Variants in ACOX3 observed in about 807,000 individuals in gnomAD.
ACOX3 encodes acyl-CoA oxidase 3, pristanoyl.
Under a neutral mutation model 81.5 loss-of-function variants are expected in ACOX3, and 73 were observed. The observed-to-expected ratio is 0.90, with a 90% confidence interval of 0.74 to 1.09. The LOEUF (loss-of-function observed/expected upper bound fraction) is 1.09. Ranked by LOEUF, ACOX3 falls within the 50% of genes least tolerant of loss-of-function variation. The pLI is 0.00. For missense variants in ACOX3, 947 were observed against 928.0 expected, an observed-to-expected ratio of 1.02 and a Z score of -0.27; for synonymous variants, 387 against 375.1, an observed-to-expected ratio of 1.03 and a Z score of -0.37.
intron 1 of ACOX3, among the ~76,000 whole-genome samples, chr4:8,435,425 G>A (rs369732230): frequency 1.2e-4 from 18 of 152,192 alleles, no homozygotes; most frequent in Admixed American, 1.1e-3. Context: ...GAACCTGGCA[G>A]GCGGAGCTTG....
chr4:8,398,138 C>T (rs1268024379), intron 8 of ACOX3, among the ~76,000 whole-genome samples: 1 of 152,102 alleles, frequency 6.6e-6, no homozygotes. Flanking sequence ...TGCACTGCAG[C>T]CTGGGTGACA....
intron 14 of ACOX3, among the ~76,000 whole-genome samples, chr4:8,378,456 G>C (rs183265117): frequency 8.5e-5 from 13 of 152,314 alleles, no homozygotes; most frequent in Middle Eastern, 3.4e-3. Context: ...AGGAAACCTC[G>C]AGCCCTTGTG....
In ACOX3 at chr4:8,382,436, T is replaced by A. The variant is rs1347662647; in HGVS notation, c.1538-829A>T. On this transcript the variant is annotated intron_variant, in intron 13 of 17. Coordinates refer to ENST00000356406, the MANE Select transcript of ACOX3 (RefSeq NM_003501.3). The surrounding 1 kb of genome is among the most constrained non-coding windows in gnomAD (Gnocchi z 4.1). ...ACACGGGCCCAGGGACCCAGGTACA[T>A]GGCGAGCATGTGAGGGAGGGGTGCA... Among the ~76,000 whole-genome samples, 3 of 152,090 alleles carry A rather than the reference T, an allele frequency of 2.0e-5. No individual in the cohort carries two copies. Among genetic ancestry groups the A allele is most frequent in the African/African-American group, 7.2e-5 (3 of 41,420 alleles).
In ACOX3 at chr4:8,414,244, C is replaced by T. The variant is rs77050710; in HGVS notation, c.543+48G>A. ...TGGGCAACGGCATTTGCACTCATGACGTCTCATATGCTCCAAACTCAGGGA... is the reference window on the plus strand; with the variant it reads ...TGGGCAACGGCATTTGCACTCATGATGTCTCATATGCTCCAAACTCAGGGA... On this transcript the variant is annotated intron_variant, in intron 5 of 17. Transcript: ENST00000356406. This position sits in a 1 kb window ranked among gnomAD's most constrained non-coding sequence, Gnocchi z 6.1. 1.8e-3 allele frequency: 2,724 copies of T among 1,498,856 alleles called. 20 individuals are homozygous for T. Among genetic ancestry groups the T allele is most frequent in the African/African-American group, 0.015 (1,096 of 72,414 alleles). The allele number at this position is 1,498,856 out of a possible 1,614,324, so 92.8% of individuals were successfully genotyped here.
chr4:8,399,624 G>C lies in ACOX3; in HGVS notation c.805C>G (p.Pro269Ala). The stretch of plus-strand genomic sequence containing the variant: ...ATCCGGTTCAGAAGGCTCTGGCGAG[G>C]AACTCTGACCTTGTGGAACATGGCG... ...GFAMFHKVRV[P>A]RQSLLNRMGD... Residue 269 changes from proline (P) to alanine (A), a missense_variant, in exon 8 of 18, where the codon CCT becomes GCT. By Grantham distance (27) the Pro-to-Ala change is conservative (BLOSUM62 -1). Transcript: ENST00000356406. The surrounding 1 kb of genome is among the most constrained non-coding windows in gnomAD (Gnocchi z 4.9). The C allele has an allele frequency of 6.2e-7, 1 of 1,614,176 alleles. No homozygotes were observed. Among genetic ancestry groups the C allele is most frequent in the Non-Finnish European group, 8.5e-7 (1 of 1,180,040 alleles).
In ACOX3 at chr4:8,375,239, C is replaced by G. The variant is rs370870436; in HGVS notation, c.1654-87G>C. ...GGAGGAAGTTCTCAGGAAACACGAA[C>G]GCGGGTCTGCGTTCCCGTGCATGTC... On this transcript the variant is annotated intron_variant, in intron 14 of 17. Transcript: ENST00000356406. 65 of 1,329,500 alleles carry G rather than the reference C, an allele frequency of 4.9e-5. No individual in the cohort carries two copies. In the East Asian group the frequency reaches 1.3e-3, roughly 26 times the overall value. 82.4% of individuals were successfully genotyped at this position (1,329,500 alleles called of 1,614,324 possible). A position where few individuals can be genotyped will look rare whatever the true frequency, so the allele number is the denominator to read the frequency against.
chr4:8,373,433 G>T (rs574665007), intron 16 of ACOX3, 128 bp downstream of exon 16: 1 of 947,614 alleles, frequency 1.1e-6, no homozygotes, highest in Non-Finnish European at 1.6e-6. Flanking sequence ...TGACGCTAAG[G>T]GGGTGCGTGT....
chr4:8,426,021 T>C (rs1294170733), intron 1 of ACOX3, among the ~76,000 whole-genome samples: 1 of 152,000 alleles, frequency 6.6e-6, no homozygotes, highest in Non-Finnish European at 1.5e-5. Flanking sequence ...CTGTTGCCCA[T>C]AGCCTTATTA....
chr4:8,390,351 A>G (rs1718845501), intron 11 of ACOX3, among the ~76,000 whole-genome samples: 1 of 152,018 alleles, frequency 6.6e-6, no homozygotes, highest in Non-Finnish European at 1.5e-5. Context: ...CCAAAAAAAA[A>G]AAAGCCCTGA....
In ACOX3 at chr4:8,426,469, G is replaced by A. The variant is rs1454031496; in HGVS notation, c.-14-9934C>T. 5.3e-5 allele frequency among the ~76,000 whole-genome samples: 8 copies of A among 152,098 alleles called. No homozygotes were observed. The East Asian group carries it at 1.6e-3, about 29-fold the overall frequency. On this transcript the variant is annotated intron_variant, in intron 1 of 17. Transcript: ENST00000356406. ...CACCTGCTCTTCAAGCGACAACTGC[G>A]AGGAAAGTAACTGGAATCGTAGAGC...
In ACOX3 at chr4:8,416,058, C is replaced by A. The variant is rs868677560; in HGVS notation, c.145-59G>T. On this transcript the variant is annotated intron_variant, in intron 2 of 17. Coordinates refer to ENST00000356406, the MANE Select transcript of ACOX3 (RefSeq NM_003501.3). This position sits in a 1 kb window ranked among gnomAD's most constrained non-coding sequence, Gnocchi z 4.2. Reference sequence around the variant, plus strand: ...GAGTAAAAGATGGACTCTCCATGTGCCCTTATATAGTTGACCTCCAGGCCA... The same window carrying A: ...GAGTAAAAGATGGACTCTCCATGTGACCTTATATAGTTGACCTCCAGGCCA... The A allele has an allele frequency of 6.5e-6, 10 of 1,535,816 alleles. No individual in the cohort carries two copies. Among genetic ancestry groups the A allele is most frequent in the Middle Eastern group, 1.7e-4 (1 of 5,946 alleles).
At position 8,414,988 on chromosome 4, in the gene ACOX3, G is replaced by A. The variant is rs2108979162; in HGVS notation, c.379-60C>T. The stretch of plus-strand genomic sequence containing the variant: ...AGGTAAGAAGAGTACTGCTCTTCCG[G>A]AACATCACAACAGACAACGGCACTC... On this transcript the variant is annotated intron_variant, in intron 3 of 17. Transcript: ENST00000356406. The surrounding 1 kb of genome is among the most constrained non-coding windows in gnomAD (Gnocchi z 6.1). 1 of 1,474,822 alleles carries A rather than the reference G, an allele frequency of 6.8e-7. No individual in the cohort carries two copies. The highest frequency in any genetic ancestry group is 9.5e-7 in the Non-Finnish European group (1 of 1,053,826). The allele number at this position is 1,474,822 out of a possible 1,614,324, so 91.4% of individuals were successfully genotyped here.
intron 6 of ACOX3, 64 bp downstream of exon 6, chr4:8,410,148 A>C: frequency 1.3e-6 from 2 of 1,557,378 alleles, no homozygotes; most frequent in Non-Finnish European, 1.7e-6. Context: ...AAATGACTCC[A>C]GACATTACCA....
downstream of ACOX3, among the ~76,000 whole-genome samples, chr4:8,363,864 C>T (rs535836888): frequency 1.6e-4 from 25 of 152,240 alleles, no homozygotes; most frequent in South Asian, 5.0e-3. Flanking sequence ...GCCATGGCAA[C>T]GTCAGGAAGT....
At chr4:8,420,624 G>T (rs1310404710) in intron 1 of ACOX3, among the ~76,000 whole-genome samples, 1 of 152,208 alleles carries the variant, frequency 6.6e-6, no homozygotes, top group Non-Finnish European at 1.5e-5. Context: ...GCCAGATCAG[G>T]CAACGCCCTT....
chr4:8,418,901 C>T (rs1722630130), intron 1 of ACOX3, among the ~76,000 whole-genome samples: 1 of 152,144 alleles, frequency 6.6e-6, no homozygotes, highest in African/African-American at 2.4e-5. Context: ...AACAAAAACA[C>T]AGAAAAATAT....
chr4:8,386,878 C>T lies in ACOX3; in HGVS notation c.1537+2295G>A, dbSNP rs772857273. 1.5e-4 allele frequency among the ~76,000 whole-genome samples: 23 copies of T among 152,342 alleles called. No individual in the cohort carries two copies. The highest frequency in any genetic ancestry group is 4.3e-4 in the African/African-American group (18 of 41,584). On this transcript the variant is annotated intron_variant, in intron 13 of 17. Transcript: ENST00000356406. This position sits in a 1 kb window ranked among gnomAD's most constrained non-coding sequence, Gnocchi z 5.2. ...AGGAAGTAGCCTGTAGGGCTGGAGA[C>T]GGACAAGGACACACGCTCGGGGGCT...
rs1417384597 is a variant in ACOX3, at chr4:8,406,696, G to A, written c.688-653C>T. Among the ~76,000 whole-genome samples, 1 of 148,640 alleles carries A rather than the reference G, an allele frequency of 6.7e-6. No individual in the cohort carries two copies. The highest frequency in any genetic ancestry group is 1.5e-5 in the Non-Finnish European group (1 of 66,678). On this transcript the variant is annotated intron_variant, in intron 6 of 17. Transcript: ENST00000356406. This position sits in a 1 kb window ranked among gnomAD's most constrained non-coding sequence, Gnocchi z 5.6. ...CCTTCCCTGCCTGGCAGCTGAGGCA[G>A]AGAGAGAGAGAGGAGACAGAGAGAA...
intron 1 of ACOX3, among the ~76,000 whole-genome samples, chr4:8,420,775 C>CTTCCACCACTT (rs1332131402): frequency 6.6e-6 from 1 of 152,196 alleles, no homozygotes; most frequent in East Asian, 1.9e-4. Context: ...CCATCGCAGA[C>CTTCCACCACTT]CCACCACTGA....
Sources: allele counts gnomAD v4.1 joint callset (sites outside exome capture counted in the v4.1 genomes callset), GRCh38; gene constraint gnomAD v4.1.1; non-coding constraint Gnocchi (gnomAD v3.1); transcripts MANE v1.5; gene names NCBI Gene and HGNC (gene_info 2026-07-23, HGNC 2026-07-21).